The following PRKCE variants were observed in gnomAD, a reference collection of about 807,000 sequenced individuals.
PRKCE encodes the protein protein kinase C epsilon, also known as protein kinase C epsilon type.
In PRKCE, 16 loss-of-function variants were observed where a neutral mutation model predicts 85.4. That is an observed-to-expected ratio of 0.19 (90% CI 0.13 to 0.28). The LOEUF is 0.28. PRKCE is among the 10% of genes least tolerant of loss of function. The pLI is 1.00. For missense variants in PRKCE, 573 were observed against 975.2 expected (o/e 0.59, Z 5.49); for synonymous variants, 388 against 371.5 (o/e 1.04, Z -0.51).
At chr2:45,856,077 A>T (rs11125036) in intron 2 of PRKCE, among the ~76,000 whole-genome samples, 25,007 of 152,052 alleles carry the variant, frequency 0.16, 2,801 homozygotes, top group African/African-American at 0.31. Context: ...AAATTTTTTT[A>T]AAAAATTATA....
intron 1 of PRKCE, among the ~76,000 whole-genome samples, chr2:45,826,256 T>A (rs73928816): frequency 6.6e-6 from 1 of 152,308 alleles, no homozygotes; most frequent in African/African-American, 2.4e-5. Context: ...AGGGCTAGAT[T>A]TGTTTAGAAA....
At chr2:45,826,608 C>T (rs915313353) in intron 1 of PRKCE, among the ~76,000 whole-genome samples, 4 of 152,158 alleles carry the variant, frequency 2.6e-5, no homozygotes, top group African/African-American at 4.8e-5. Context: ...ACCTTCCCCC[C>T]GAACTTCAGA....
chr2:45,707,380 C>T (rs1367576341), intron 1 of PRKCE, among the ~76,000 whole-genome samples: 2 of 152,200 alleles, frequency 1.3e-5, no homozygotes, highest in Admixed American at 6.5e-5. Flanking sequence ...TGGATAATAA[C>T]ACCTTATATT....
intron 2 of PRKCE, among the ~76,000 whole-genome samples, chr2:45,964,270 G>C (rs181386211): frequency 6.6e-6 from 1 of 152,196 alleles, no homozygotes; most frequent in Non-Finnish European, 1.5e-5. Context: ...CCACAGGCCC[G>C]TTTTAATACA....
At chr2:45,874,562 T>C (rs1694331965) in intron 2 of PRKCE, among the ~76,000 whole-genome samples, 1 of 152,258 alleles carries the variant, frequency 6.6e-6, no homozygotes, top group Non-Finnish European at 1.5e-5. Context: ...TGTCTCACTC[T>C]CTGGCTTGGG....
intron 1 of PRKCE, among the ~76,000 whole-genome samples, chr2:45,817,643 G>A (rs577937671): frequency 4.6e-5 from 7 of 152,086 alleles, no homozygotes; most frequent in Non-Finnish European, 8.8e-5. Flanking sequence ...GCAGTGAGCC[G>A]AGATCACGCC....
At chr2:45,744,481 CTTTCTTTTTCTTTCTTTCT>C (rs1682926826) in intron 1 of PRKCE, among the ~76,000 whole-genome samples, 8 of 43,040 alleles carry the variant, frequency 1.9e-4, no homozygotes, top group South Asian at 1.0e-3. Flanking sequence ...TTCTTTCTTT[CTTTCTTTTTCTTTCTTTCT>C]TTTCTTTCTT....
intron 10 of PRKCE, among the ~76,000 whole-genome samples, chr2:46,051,874 G>A (rs570159177): frequency 3.3e-5 from 5 of 152,168 alleles, no homozygotes; most frequent in African/African-American, 1.2e-4. Context: ...CTCTTCAGAG[G>A]GCAGCAGAGA....
chr2:45,716,464 C>A (rs1266565718), intron 1 of PRKCE, among the ~76,000 whole-genome samples: 1 of 151,654 alleles, frequency 6.6e-6, no homozygotes, highest in Non-Finnish European at 1.5e-5. Context: ...TTGCAGAGAG[C>A]CAACTTCTGG....
chr2:45,742,019 G>C (rs1682620322), intron 1 of PRKCE, among the ~76,000 whole-genome samples: 1 of 152,138 alleles, frequency 6.6e-6, no homozygotes, highest in Non-Finnish European at 1.5e-5. Context: ...CTGTGTTCTT[G>C]CTTCCAGGTG....
chr2:45,754,750 A>G (rs1161132190), intron 1 of PRKCE, among the ~76,000 whole-genome samples: 2 of 152,228 alleles, frequency 1.3e-5, no homozygotes, highest in African/African-American at 4.8e-5. Context: ...TTTAAATGCC[A>G]TGGTGTACCC....
intron 1 of PRKCE, among the ~76,000 whole-genome samples, chr2:45,659,851 A>G (rs1464074588): frequency 1.9e-5 from 2 of 106,720 alleles, no homozygotes; most frequent in African/African-American, 3.8e-5. Context: ...TTTTTTTTTT[A>G]CTCTTTACTC....
At chr2:45,874,693 T>G (rs1217621885) in intron 2 of PRKCE, among the ~76,000 whole-genome samples, 1 of 152,228 alleles carries the variant, frequency 6.6e-6, no homozygotes, top group Non-Finnish European at 1.5e-5. Context: ...AGATTCTTAA[T>G]TCCTGGTGAT....
At chr2:45,757,755 A>G (rs1470230435) in intron 1 of PRKCE, among the ~76,000 whole-genome samples, 1 of 152,222 alleles carries the variant, frequency 6.6e-6, no homozygotes, top group Admixed American at 6.5e-5. Flanking sequence ...AACTCCTTAC[A>G]TTCCCATCCC....
At position 46,145,481 on chromosome 2, in the gene PRKCE, A is replaced by G. The variant is rs1675979499; in HGVS notation, c.1731+250A>G. On this transcript the variant is annotated intron_variant, in intron 12 of 14. Transcript: ENST00000306156. This position sits in a 1 kb window ranked among gnomAD's most constrained non-coding sequence, Gnocchi z 4.6. ...ATTTCCCAAACCCGGGCAAGTTCACACTGAACATCTCTTTCCCATCCTAGT... is the reference window on the plus strand; with the variant it reads ...ATTTCCCAAACCCGGGCAAGTTCACGCTGAACATCTCTTTCCCATCCTAGT... Among the ~76,000 whole-genome samples, 1 of 152,226 alleles carries G rather than the reference A, an allele frequency of 6.6e-6. No homozygotes were observed. Among genetic ancestry groups the G allele is most frequent in the Non-Finnish European group, 1.5e-5 (1 of 68,040 alleles).
chr2:46,105,241 G>C (rs575246607), intron 11 of PRKCE, among the ~76,000 whole-genome samples: 24 of 151,968 alleles, frequency 1.6e-4, no homozygotes, highest in Non-Finnish European at 3.2e-4. Flanking sequence ...TTCAGCTTTA[G>C]ATCCTTCACC....
intron 2 of PRKCE, among the ~76,000 whole-genome samples, chr2:45,849,561 AG>A (rs908216355): frequency 6.6e-6 from 1 of 152,200 alleles, no homozygotes; most frequent in African/African-American, 2.4e-5. Flanking sequence ...CTTCCCAAAC[AG>A]GGGACCTCAA....
At chr2:45,750,422 G>C (rs1683462694) in intron 1 of PRKCE, among the ~76,000 whole-genome samples, 2 of 152,266 alleles carry the variant, frequency 1.3e-5, no homozygotes, top group Admixed American at 1.3e-4. Flanking sequence ...AGCACTTATA[G>C]TTCCTCCTTC....
chr2:45,661,522 T>TA (rs1675646601), intron 1 of PRKCE, among the ~76,000 whole-genome samples: 1 of 101,508 alleles, frequency 9.9e-6, no homozygotes, highest in Non-Finnish European at 2.0e-5. Flanking sequence ...TTTTGTTTTT[T>TA]GTTTTTTGTT....
Sources: gnomAD v4.1 joint callset for allele counts (sites outside exome capture counted in the v4.1 genomes callset) on GRCh38, gnomAD v4.1.1 for gene constraint, Gnocchi (gnomAD v3.1) non-coding constraint, MANE v1.5 for transcripts, NCBI Gene and HGNC (gene_info 2026-07-23, HGNC 2026-07-21) for gene names.